Variants in PSME3IP1 observed in about 807,000 individuals in gnomAD.
PSME3IP1 encodes the protein PSME3-interacting protein.
A neutral mutation model predicts 34.1 loss-of-function variants in PSME3IP1; 13 were observed. That is an observed-to-expected ratio of 0.38 (90% CI 0.25 to 0.61). The LOEUF (loss-of-function observed/expected upper bound fraction) is 0.61. Ranked by LOEUF, PSME3IP1 falls within the 20% of genes least tolerant of loss-of-function variation. The pLI is 0.60. For missense variants in PSME3IP1, 237 were observed against 301.4 expected (o/e 0.79, Z 1.58); for synonymous variants, 93 against 114.3 (o/e 0.81, Z 1.19).
chr16:57,160,877 T>G (rs1425250137), intron 6 of PSME3IP1, among the ~76,000 whole-genome samples: 1 of 152,222 alleles, frequency 6.6e-6, no homozygotes, highest in African/African-American at 2.4e-5. Flanking sequence ...CAGATCAAAC[T>G]ACCATTTTAC....
chr16:57,155,655 T>C (rs2070426828), intron 6 of PSME3IP1, among the ~76,000 whole-genome samples: 2 of 151,928 alleles, frequency 1.3e-5, no homozygotes, highest in Admixed American at 6.6e-5. Flanking sequence ...TACAAAAAAT[T>C]AGCTGGGTGT....
At chr16:57,183,685 C>A (rs2073921271) in intron 1 of PSME3IP1, among the ~76,000 whole-genome samples, 1 of 152,162 alleles carries the variant, frequency 6.6e-6, no homozygotes, top group African/African-American at 2.4e-5. Flanking sequence ...AGAATTTGGA[C>A]ACAATCTAGA....
intron 1 of PSME3IP1, chr16:57,174,235 A>T: frequency 5.0e-6 from 1 of 198,854 alleles, no homozygotes; most frequent in Non-Finnish European, 9.7e-6. Flanking sequence ...CGGAGGTTGC[A>T]GTGAGCCAAG....
intron 1 of PSME3IP1, 120 bp downstream of exon 1, chr16:57,185,701 C>G: frequency 1.0e-6 from 1 of 985,490 alleles, no homozygotes; most frequent in Non-Finnish European, 1.2e-6. Flanking sequence ...GGACAAGGAG[C>G]GGGTGCGCGG....
At chr16:57,157,791 T>C (rs1158158152) in intron 6 of PSME3IP1, among the ~76,000 whole-genome samples, 1 of 152,126 alleles carries the variant, frequency 6.6e-6, no homozygotes, top group Non-Finnish European at 1.5e-5. Flanking sequence ...GACAGTTTTT[T>C]AAAATGCAGC....
At position 57,154,404 on chromosome 16, in the gene PSME3IP1, G is replaced by T; in HGVS notation, c.651C>A (p.Ala217=). The T allele has an allele frequency of 6.2e-7, 1 of 1,614,126 alleles. No homozygotes were observed. Among genetic ancestry groups the T allele is most frequent in the Non-Finnish European group, 8.5e-7 (1 of 1,180,026 alleles). Residue 217 remains alanine (A), a synonymous_variant, in exon 7 of 7, where the codon GCC becomes GCA. Transcript: ENST00000309137. The surrounding 1 kb of genome is among the most constrained non-coding windows in gnomAD (Gnocchi z 4.0). ...VCIGILPGLG[A]YSGSSDSESS... is the part of the protein sequence containing the mutation. ...ACTCGGAGTCGCTGCTCCCAGAGTA[G>T]GCACCCAGGCCTGGGAGGATGCCGA...
intron 4 of PSME3IP1, among the ~76,000 whole-genome samples, chr16:57,168,754 G>C (rs527333040): frequency 1.6e-5 from 2 of 128,854 alleles, no homozygotes; most frequent in South Asian, 5.2e-4. Context: ...GGTGAGCTGA[G>C]ATCGTGCCAC....
intron 5 of PSME3IP1, 131 bp downstream of exon 5, chr16:57,166,962 G>T: frequency 1.0e-6 from 1 of 975,066 alleles, no homozygotes; most frequent in Non-Finnish European, 1.6e-6. Context: ...GAAAGGGAGA[G>T]ATAGGTGAGC....
At chr16:57,181,217 C>G (rs1306092279) in intron 1 of PSME3IP1, among the ~76,000 whole-genome samples, 1 of 152,172 alleles carries the variant, frequency 6.6e-6, no homozygotes, top group African/African-American at 2.4e-5. Context: ...ATGCACCTCT[C>G]TGAATATAAA....
chr16:57,185,236 G>GTC (rs1359728733), intron 1 of PSME3IP1, among the ~76,000 whole-genome samples: 1 of 152,072 alleles, frequency 6.6e-6, no homozygotes, highest in Non-Finnish European at 1.5e-5. Flanking sequence ...GAACAAACAG[G>GTC]TCTCCCCCTT....
rs957736887 is a variant in PSME3IP1, at chr16:57,169,393, A to T, written c.349-2167T>A. On this transcript the variant is annotated intron_variant, in intron 4 of 6. Coordinates refer to ENST00000309137, the MANE Select transcript of PSME3IP1 (RefSeq NM_024946.4). ...AAGCAAAGCCTAGAAACAGTTCCTA[A>T]CTTAGAGCTTCAATAAACAAATGTC... is the stretch of plus-strand genomic sequence containing the variant. Among the ~76,000 whole-genome samples, 3 of 152,224 alleles carry T rather than the reference A, an allele frequency of 2.0e-5. No homozygotes were observed. The East Asian group carries it at 5.8e-4, about 29-fold the overall frequency.
At chr16:57,160,206 C>T (rs1382756084) in intron 6 of PSME3IP1, among the ~76,000 whole-genome samples, 2 of 151,226 alleles carry the variant, frequency 1.3e-5, no homozygotes, top group African/African-American at 2.4e-5. Context: ...AGGAGAATGG[C>T]GTGAACCCGG....
At chr16:57,159,190 G>A (rs1334662039) in intron 6 of PSME3IP1, among the ~76,000 whole-genome samples, 1 of 152,208 alleles carries the variant, frequency 6.6e-6, no homozygotes, top group Non-Finnish European at 1.5e-5. Flanking sequence ...GACCACTGTG[G>A]TATCAGAAGA....
chr16:57,172,725 G>T, intron 3 of PSME3IP1, 51 bp downstream of exon 3: 1 of 1,373,902 alleles, frequency 7.3e-7, no homozygotes, highest in Non-Finnish European at 1.0e-6. Context: ...GCAAAAGTGC[G>T]TCAAAAGTAC....
intron 6 of PSME3IP1, among the ~76,000 whole-genome samples, chr16:57,158,264 G>C (rs1172663717): frequency 2.6e-5 from 4 of 152,162 alleles, no homozygotes; most frequent in South Asian, 2.1e-4. Flanking sequence ...GATATTTTCA[G>C]CATTCTGTTA....
intron 6 of PSME3IP1, among the ~76,000 whole-genome samples, chr16:57,159,978 A>G (rs1294315329): frequency 1.3e-5 from 2 of 152,080 alleles, no homozygotes; most frequent in Non-Finnish European, 2.9e-5. Flanking sequence ...TAGTCACTGC[A>G]CTACAGCCTA....
chr16:57,170,671 CT>C (rs2072464139), intron 4 of PSME3IP1, among the ~76,000 whole-genome samples: 1 of 152,154 alleles, frequency 6.6e-6, no homozygotes, highest in African/African-American at 2.4e-5. Flanking sequence ...GTCAGATAGT[CT>C]TTTTTCTTAT....
chr16:57,164,131 G>C, intron 5 of PSME3IP1, 66 bp from the exon 6 acceptor site: 1 of 1,426,726 alleles, frequency 7.0e-7, no homozygotes, highest in Non-Finnish European at 9.9e-7. Flanking sequence ...AGGGAATCAG[G>C]AGCTCCAATA....
chr16:57,167,055 G>A (rs1252189802), intron 5 of PSME3IP1, 38 bp downstream of exon 5: 1 of 1,610,384 alleles, frequency 6.2e-7, no homozygotes, highest in African/African-American at 1.3e-5. Context: ...AGAGTACACG[G>A]TCAGAGAGAA....
Sources: allele counts gnomAD v4.1 joint callset (sites outside exome capture counted in the v4.1 genomes callset), GRCh38; gene constraint gnomAD v4.1.1; non-coding constraint Gnocchi (gnomAD v3.1); transcripts MANE v1.5; gene names NCBI Gene and HGNC (gene_info 2026-07-23, HGNC 2026-07-21).